The following EYA2 variants were observed in gnomAD, a reference collection of about 807,000 sequenced individuals.
The protein encoded by EYA2 is EYA transcriptional coactivator and phosphatase 2.
In EYA2, 31 loss-of-function variants were observed where a neutral mutation model predicts 69.2. That is an observed-to-expected ratio of 0.45 (90% CI 0.34 to 0.60). The LOEUF is 0.60. Among genes scored for constraint, EYA2 ranks in the 20% least tolerant of loss-of-function variants. The probability of loss-of-function intolerance (pLI) is 0.02; values close to 1 mark genes in which losing one functional copy is unlikely to be tolerated. For synonymous variants in EYA2, 257 were observed against 279.4 expected, an observed-to-expected ratio of 0.92 and a Z score of 0.80; for missense variants, 622 against 701.2, an observed-to-expected ratio of 0.89 and a Z score of 1.28.
At chr20:47,018,440 G>A (rs1262667287) in intron 5 of EYA2, among the ~76,000 whole-genome samples, 1 of 152,240 alleles carries the variant, frequency 6.6e-6, no homozygotes, top group Non-Finnish European at 1.5e-5. Context: ...CAAGTAGATA[G>A]ATAATTATAG....
chr20:47,039,730 G>A (rs1022064730), intron 5 of EYA2, among the ~76,000 whole-genome samples: 1 of 151,664 alleles, frequency 6.6e-6, no homozygotes, highest in African/African-American at 2.4e-5. Flanking sequence ...AGCCTGCCTG[G>A]GTTCAAATCC....
intron 1 of EYA2, among the ~76,000 whole-genome samples, chr20:46,960,320 G>A (rs1038185356): frequency 2.1e-4 from 32 of 152,192 alleles, no homozygotes; most frequent in Admixed American, 1.6e-3. Context: ...CATCTAGTAG[G>A]AGGAGCAGCC....
intron 1 of EYA2, among the ~76,000 whole-genome samples, chr20:46,967,006 T>A (rs1005406036): frequency 6.6e-6 from 1 of 152,202 alleles, no homozygotes; most frequent in Non-Finnish European, 1.5e-5. Flanking sequence ...TTTGTTTTTG[T>A]TTTGGGGACA....
chr20:47,045,016 G>A (rs577561899), intron 5 of EYA2, among the ~76,000 whole-genome samples: 5 of 152,250 alleles, frequency 3.3e-5, no homozygotes, highest in African/African-American at 1.2e-4. Flanking sequence ...ACTGGGCCTG[G>A]GGAAATACTA....
At chr20:47,180,042 T>A (rs528498333) in intron 13 of EYA2, 130 bp downstream of exon 13, 52 of 653,054 alleles carry the variant, frequency 8.0e-5, no homozygotes, top group Middle Eastern at 4.2e-4. Context: ...CCAAATATTT[T>A]TTTTTTTTGA....
chr20:47,165,709 C>T (rs1359867137), intron 10 of EYA2, among the ~76,000 whole-genome samples: 2 of 152,142 alleles, frequency 1.3e-5, no homozygotes, highest in African/African-American at 4.8e-5. Context: ...ACAAGCCTCA[C>T]CTTTCATCAA....
At chr20:47,074,615 C>T (rs2031442960) in intron 7 of EYA2, among the ~76,000 whole-genome samples, 1 of 152,122 alleles carries the variant, frequency 6.6e-6, no homozygotes, top group South Asian at 2.1e-4. Flanking sequence ...TTTATAAATA[C>T]CTAAAAATTC....
chr20:47,096,304 G>A (rs1482407698), intron 8 of EYA2, among the ~76,000 whole-genome samples: 2 of 152,110 alleles, frequency 1.3e-5, no homozygotes, highest in Non-Finnish European at 2.9e-5. Context: ...TATATTACTA[G>A]TTACCAACTT....
At chr20:47,180,398 C>T (rs372128871) in intron 13 of EYA2, among the ~76,000 whole-genome samples, 4 of 152,098 alleles carry the variant, frequency 2.6e-5, no homozygotes, top group African/African-American at 9.7e-5. Context: ...GAGCTAATAG[C>T]GGCAGAGACT....
At chr20:47,033,946 A>G (rs1244907711) in intron 5 of EYA2, among the ~76,000 whole-genome samples, 1 of 152,366 alleles carries the variant, frequency 6.6e-6, no homozygotes, top group East Asian at 1.9e-4. Flanking sequence ...ATGGAACATG[A>G]AAGTGGCACT....
intron 9 of EYA2, among the ~76,000 whole-genome samples, chr20:47,117,982 C>T (rs1319479840): frequency 6.6e-6 from 1 of 152,194 alleles, no homozygotes; most frequent in East Asian, 1.9e-4. Context: ...TCATGTGAGG[C>T]GAGCACCTTG....
chr20:47,039,236 C>A (rs1426593241), intron 5 of EYA2, among the ~76,000 whole-genome samples: 2 of 152,136 alleles, frequency 1.3e-5, no homozygotes, highest in African/African-American at 4.8e-5. Context: ...TGTTTTTGTA[C>A]CACCCATGAG....
At chr20:46,963,011 C>T (rs112164798) in intron 1 of EYA2, among the ~76,000 whole-genome samples, 8 of 152,216 alleles carry the variant, frequency 5.3e-5, no homozygotes, top group African/African-American at 1.4e-4. Context: ...ACTGCTCCCT[C>T]GCTCTACCCC....
chr20:47,183,468 G>T, intron 15 of EYA2, 77 bp downstream of exon 15: 2 of 1,317,500 alleles, frequency 1.5e-6, no homozygotes, highest in South Asian at 1.3e-5. Flanking sequence ...CTCCTTCCAT[G>T]ATTTCCTCCA....
At chr20:46,912,074 A>G (rs1488488917) in intron 1 of EYA2, among the ~76,000 whole-genome samples, 1 of 152,208 alleles carries the variant, frequency 6.6e-6, no homozygotes. Context: ...GTTATGTATC[A>G]ATAAATAATC....
chr20:47,011,213 A>G, intron 4 of EYA2, among the ~76,000 whole-genome samples: 1 of 152,174 alleles, frequency 6.6e-6, no homozygotes, highest in Non-Finnish European at 1.5e-5. Flanking sequence ...CCCTCATTGT[A>G]GTCACGAGGA....
intron 2 of EYA2, among the ~76,000 whole-genome samples, chr20:46,993,876 A>G (rs1391522490): frequency 6.6e-6 from 1 of 152,230 alleles, no homozygotes; most frequent in African/African-American, 2.4e-5. Context: ...ACACAGAACA[A>G]GAGCCGTATG....
At chr20:46,978,699 G>GT in intron 1 of EYA2, 1 of 534,216 alleles carries the variant, frequency 1.9e-6, no homozygotes, top group Non-Finnish European at 3.8e-6. Context: ...CTGGAGGGAG[G>GT]CCCCGGTGGC....
At chr20:46,965,161 T>G (rs570508602) in intron 1 of EYA2, among the ~76,000 whole-genome samples, 1 of 152,294 alleles carries the variant, frequency 6.6e-6, no homozygotes, top group East Asian at 1.9e-4. Flanking sequence ...TGTCCAGTAC[T>G]TAGAACTGAG....
Sources: gnomAD v4.1 joint callset for allele counts (sites outside exome capture counted in the v4.1 genomes callset) on GRCh38, gnomAD v4.1.1 for gene constraint, MANE v1.5 for transcripts, NCBI Gene and HGNC (gene_info 2026-07-23, HGNC 2026-07-21) for gene names.